L3MBTL3: variants seen among roughly 807,000 people sequenced by gnomAD.
L3MBTL3 encodes the protein lethal(3)malignant brain tumor-like protein 3.
Under a neutral mutation model 102.3 loss-of-function variants are expected in L3MBTL3, and 27 were observed. The ratio of observed to expected loss-of-function variants is 0.26; its 90% confidence interval spans 0.19 to 0.36. L3MBTL3 has a LOEUF of 0.36. L3MBTL3 is among the 10% of genes least tolerant of loss of function. L3MBTL3 has a pLI of 1.00. For synonymous variants in L3MBTL3, 340 were observed against 320.9 expected (o/e 1.06, Z -0.64); for missense variants, 798 against 955.3 (o/e 0.84, Z 2.17).
chr6:130,020,758 G>A (rs547211157), intron 1 of L3MBTL3: 1 of 150,990 alleles, frequency 6.6e-6, no homozygotes, highest in African/African-American at 2.4e-5. Context: ...TTTTTGAGGG[G>A]ACCCGAAAAA....
chr6:130,109,953 A>T (rs1041234606), intron 19 of L3MBTL3, among the ~76,000 whole-genome samples: 2 of 152,154 alleles, frequency 1.3e-5, no homozygotes, highest in African/African-American at 4.8e-5. Flanking sequence ...ATTAAATAGA[A>T]AATCGTTTCC....
intron 16 of L3MBTL3, among the ~76,000 whole-genome samples, chr6:130,089,839 CA>C (rs35333288): frequency 1.7e-4 from 25 of 146,338 alleles, no homozygotes; most frequent in Admixed American, 2.7e-4. Context: ...TTTTTCACAG[CA>C]AAAAAAAAAA....
At chr6:130,107,581 C>T (rs1472621061) in intron 19 of L3MBTL3, among the ~76,000 whole-genome samples, 1 of 152,024 alleles carries the variant, frequency 6.6e-6, no homozygotes, top group Non-Finnish European at 1.5e-5. Flanking sequence ...ATTAAAAAAA[C>T]ATTTGTTAAG....
intron 18 of L3MBTL3, among the ~76,000 whole-genome samples, chr6:130,102,837 C>T (rs1784780271): frequency 6.6e-6 from 1 of 152,188 alleles, no homozygotes; most frequent in African/African-American, 2.4e-5. Flanking sequence ...TCTTTTATAT[C>T]ATGGTATTTC....
chr6:130,135,142 A>G (rs1411884809), intron 22 of L3MBTL3, among the ~76,000 whole-genome samples: 2 of 146,462 alleles, frequency 1.4e-5, no homozygotes, highest in Non-Finnish European at 3.0e-5. Context: ...GCTCACTGCA[A>G]CCTCCGCCTC....
chr6:130,046,160 T>G (rs1780712340), intron 3 of L3MBTL3, among the ~76,000 whole-genome samples: 1 of 151,982 alleles, frequency 6.6e-6, no homozygotes. Context: ...TCTTTCGGAG[T>G]CTCTCAGTAA....
intron 13 of L3MBTL3, among the ~76,000 whole-genome samples, chr6:130,075,134 G>A (rs1207420750): frequency 6.6e-6 from 1 of 152,094 alleles, no homozygotes; most frequent in Non-Finnish European, 1.5e-5. Flanking sequence ...GGGCTGTTCT[G>A]AACTTCAACT....
chr6:130,126,576 C>G lies in L3MBTL3; in HGVS notation c.1966+5618C>G, dbSNP rs568779783. Among the ~76,000 whole-genome samples the G allele has an allele frequency of 7.2e-5, 11 of 152,186 alleles. No individual in the cohort carries two copies. The South Asian group carries it at 2.3e-3, about 32-fold the overall frequency. On this transcript the variant is annotated intron_variant, in intron 20 of 22. Transcript: ENST00000361794. The stretch of plus-strand genomic sequence containing the variant: ...TCAGGATCATCTTTATTTGAAAAGT[C>G]TTTTTACAAAGGTATTTTCTCTGCA...
chr6:130,034,889 C>T (rs1779952255), intron 2 of L3MBTL3, among the ~76,000 whole-genome samples: 1 of 152,188 alleles, frequency 6.6e-6, no homozygotes. Context: ...ACGTAGTCTG[C>T]GAATGCATAC....
At chr6:130,029,897 C>T (rs1176864636) in intron 2 of L3MBTL3, among the ~76,000 whole-genome samples, 1 of 152,088 alleles carries the variant, frequency 6.6e-6, no homozygotes, top group African/African-American at 2.4e-5. Flanking sequence ...AATCTTGGTT[C>T]ACTGCAACTT....
At chr6:130,131,883 CA>C (rs1281555362) in intron 20 of L3MBTL3, among the ~76,000 whole-genome samples, 1 of 152,190 alleles carries the variant, frequency 6.6e-6, no homozygotes, top group East Asian at 1.9e-4. Flanking sequence ...GTTTTATCAG[CA>C]AGGTCTTTAT....
In L3MBTL3 at chr6:130,140,849, C is replaced by T. The variant is rs1206707536; in HGVS notation, c.*1096C>T. 1 of 152,514 alleles carries T rather than the reference C, an allele frequency of 6.6e-6. No individual in the cohort carries two copies. The highest frequency in any genetic ancestry group is 1.5e-5 in the Non-Finnish European group (1 of 68,030). The allele number at this position is 152,514 out of a possible 1,614,324, so 9.4% of individuals were successfully genotyped here. On this transcript the variant is annotated 3_prime_UTR_variant, in exon 23 of 23. Transcript: ENST00000361794. The stretch of plus-strand genomic sequence containing the variant: ...TGTGAAGGAGCAACTTCAGTTGACA[C>T]AAAATTTGAAATGCTCACAGATCAG...
intron 9 of L3MBTL3, among the ~76,000 whole-genome samples, chr6:130,058,950 A>G (rs1028365173): frequency 6.6e-6 from 1 of 152,208 alleles, no homozygotes; most frequent in African/African-American, 2.4e-5. Flanking sequence ...AAATGTTAGT[A>G]AATGTTAGGA....
chr6:130,057,555 G>A (rs1781588233), intron 9 of L3MBTL3, 58 bp downstream of exon 9: 3 of 1,290,802 alleles, frequency 2.3e-6, no homozygotes, highest in Non-Finnish European at 3.3e-6. Context: ...ATACCAGCCT[G>A]AATTACGATT....
Position 130,140,631 on chromosome 6 carries a change from T to C in L3MBTL3, c.*878T>C, listed in dbSNP as rs762421935. On this transcript the variant is annotated 3_prime_UTR_variant, in exon 23 of 23. Transcript: ENST00000361794. Reference sequence around the variant, plus strand: ...GTTTGTGAGGGTCTTGAACTATTTATGAGATGATCTTGAGCTTCTAATTTT... The same window carrying C: ...GTTTGTGAGGGTCTTGAACTATTTACGAGATGATCTTGAGCTTCTAATTTT... The C allele has an allele frequency of 6.6e-6, 1 of 152,242 alleles. No individual in the cohort carries two copies. Among genetic ancestry groups the C allele is most frequent in the Non-Finnish European group, 1.5e-5 (1 of 68,078 alleles). 9.4% of individuals were successfully genotyped at this position (152,242 alleles called of 1,614,324 possible).
At position 130,066,406 on chromosome 6, in the gene L3MBTL3, C is replaced by A; in HGVS notation, c.918C>A (p.Asp306Glu). 2 of 1,611,810 alleles carry A rather than the reference C, an allele frequency of 1.2e-6. No individual in the cohort carries two copies. The highest frequency in any genetic ancestry group is 1.7e-6 in the Non-Finnish European group (2 of 1,178,778). The change falls in exon 11 of 23, where the codon GAC becomes GAA. Residue 306 changes from aspartate to glutamate, a missense_variant. This residue lies in a region of L3MBTL3 where 434 missense variants were observed against 506.6 expected (regional missense o/e 0.86). Coordinates refer to ENST00000361794, the MANE Select transcript of L3MBTL3 (RefSeq NM_032438.4). ...TTGATGGGTATTCTGATTGCTATGA[C>A]TTCTGGGTGAATGCAGACGCTCTGG... ...LHFDGYSDCY[D>E]FWVNADALDI...
At chr6:130,071,276 T>A in intron 13 of L3MBTL3, 149 bp downstream of exon 13, 1 of 658,710 alleles carries the variant, frequency 1.5e-6, no homozygotes, top group Non-Finnish European at 2.5e-6. Flanking sequence ...TTTTACCTGT[T>A]CCATATGGGA....
rs145097264 is a variant in L3MBTL3 at position 130,040,799 on chromosome 6, A to G, written c.-15-1886A>G. Among the ~76,000 whole-genome samples, 169 of 152,332 alleles carry G rather than the reference A, an allele frequency of 1.1e-3. 1 individual carries two copies. Among genetic ancestry groups the G allele is most frequent in the African/African-American group, 3.8e-3 (160 of 41,582 alleles). ...GCATCCATGGTACTTTGGCATGTCA[A>G]AGTACTTCCCATTTCATCACACAAT... On this transcript the variant is annotated intron_variant, in intron 2 of 22. Transcript: ENST00000361794.
At chr6:130,095,659 G>A (rs137861453) in intron 18 of L3MBTL3, among the ~76,000 whole-genome samples, 1 of 152,268 alleles carries the variant, frequency 6.6e-6, no homozygotes, top group Admixed American at 6.5e-5. Context: ...CACAGACTGG[G>A]TAATTTGTAA....
Sources: allele counts gnomAD v4.1 joint callset (sites outside exome capture counted in the v4.1 genomes callset), GRCh38; gene constraint gnomAD v4.1.1; regional missense constraint gnomAD v4.1.1; transcripts MANE v1.5; gene names NCBI Gene and HGNC (gene_info 2026-07-23, HGNC 2026-07-21).